Variants in ADAMTSL4 observed in about 807,000 individuals in gnomAD.
The protein encoded by ADAMTSL4 is ADAMTS-like protein 4.
A neutral mutation model predicts 122.8 loss-of-function variants in ADAMTSL4; 97 were observed. That is an observed-to-expected ratio of 0.79 (90% CI 0.67 to 0.93). The LOEUF (loss-of-function observed/expected upper bound fraction) is 0.93, where lower values mean the gene tolerates loss of function less well. ADAMTSL4 is among the 40% of genes least tolerant of loss of function. The probability of loss-of-function intolerance (pLI) is 0.00; values close to 1 mark genes in which losing one functional copy is unlikely to be tolerated. For synonymous variants in ADAMTSL4, 592 were observed against 568.0 expected (o/e 1.04, Z -0.60); for missense variants, 1,408 against 1,453.5 (o/e 0.97, Z 0.51).
intron 2 of ADAMTSL4, chr1:150,550,752 C>A (rs1671323349): frequency 2.2e-6 from 1 of 456,496 alleles, no homozygotes; most frequent in South Asian, 1.5e-5. Flanking sequence ...AAGGAGTGGC[C>A]ATCGGCAACC....
chr1:150,555,656 T>C (rs1047397817), intron 8 of ADAMTSL4, 91 bp downstream of exon 8: 9 of 1,563,316 alleles, frequency 5.8e-6, no homozygotes, highest in Non-Finnish European at 6.1e-6. Flanking sequence ...CACATATGTA[T>C]GAACACATGC....
Position 150,552,325 on chromosome 1 carries a change from C to CG in ADAMTSL4, c.20+20dup. 1 of 1,549,864 alleles carries CG rather than the reference C, an allele frequency of 6.5e-7. No homozygotes were observed. Among genetic ancestry groups the CG allele is most frequent in the Non-Finnish European group, 8.7e-7 (1 of 1,144,130 alleles). On this transcript the variant is annotated intron_variant, in intron 3 of 18. Coordinates refer to ENST00000271643, the MANE Select transcript of ADAMTSL4 (RefSeq NM_019032.6). This position sits in a 1 kb window ranked among gnomAD's most constrained non-coding sequence, Gnocchi z 4.0. ...GACTGGCAGGTGAGAGAAGGGGCCA[C>CG]GGGTTGGGGGGGAGGAAAAGGGGAG...
At position 150,554,997 on chromosome 1, in the gene ADAMTSL4, T is replaced by C. The variant is rs1175437476; in HGVS notation, c.1235-432T>C. On this transcript the variant is annotated intron_variant, in intron 7 of 18. Transcript: ENST00000271643. The surrounding 1 kb of genome is among the most constrained non-coding windows in gnomAD (Gnocchi z 4.0). ...CTCAACTGACCTGACCACCTTTTTT[T>C]TTTTTTTTCTGAGACAGAGTCTCAC... Among the ~76,000 whole-genome samples, 1 of 150,870 alleles carries C rather than the reference T, an allele frequency of 6.6e-6. No homozygotes were observed. The highest frequency in any genetic ancestry group is 2.4e-5 in the African/African-American group (1 of 40,978).
In ADAMTSL4 at chr1:150,554,660, G is replaced by A. The variant is rs1357930156; in HGVS notation, c.1234+193G>A. ...GTGAGTGGTCTGCAGAAGGGTCGGG[G>A]TGGGAGGAGGAGGTGTGGGAGACAC... On this transcript the variant is annotated intron_variant, in intron 7 of 18. Transcript: ENST00000271643. The surrounding 1 kb of genome is among the most constrained non-coding windows in gnomAD (Gnocchi z 4.0). The A allele has an allele frequency of 6.5e-7, 1 of 1,537,544 alleles. No homozygotes were observed. Among genetic ancestry groups the A allele is most frequent in the Non-Finnish European group, 8.7e-7 (1 of 1,146,538 alleles).
chr1:150,557,730 G>T, intron 13 of ADAMTSL4, 107 bp downstream of exon 13: 1 of 1,397,298 alleles, frequency 7.2e-7, no homozygotes, highest in South Asian at 1.3e-5. Flanking sequence ...CCTGGCTGCA[G>T]AGAGACAACA....
chr1:150,555,731 ACG>A (rs1257119363), intron 8 of ADAMTSL4, among the ~76,000 whole-genome samples, 166 bp downstream of exon 8: 3 of 149,244 alleles, frequency 2.0e-5, no homozygotes, highest in African/African-American at 5.1e-5. Context: ...ACACACACAC[ACG>A]CACACACACG....
At chr1:150,555,889 G>T (rs1200211364) in intron 8 of ADAMTSL4, 2 of 602,564 alleles carry the variant, frequency 3.3e-6, no homozygotes, top group East Asian at 5.6e-5. Context: ...GCACACACAC[G>T]TATTTGCACA....
At position 150,555,279 on chromosome 1, in the gene ADAMTSL4, C is replaced by T. The variant is rs891485383; in HGVS notation, c.1235-150C>T. Reference sequence around the variant, plus strand: ...CTGGGATTACAGGCATGAGCCACTGCGCCCGGCCCTGACCACCTCAGCTTG... The same window carrying T: ...CTGGGATTACAGGCATGAGCCACTGTGCCCGGCCCTGACCACCTCAGCTTG... On this transcript the variant is annotated intron_variant, in intron 7 of 18. Transcript: ENST00000271643. The T allele has an allele frequency of 1.3e-3, 1,292 of 980,214 alleles. 8 individuals are homozygous for T. The highest frequency in any genetic ancestry group is 1.5e-3 in the Non-Finnish European group (975 of 670,700). The allele number at this position is 980,214 out of a possible 1,614,324, so 60.7% of individuals were successfully genotyped here.
Position 150,560,237 on chromosome 1 carries a change from C to T in ADAMTSL4, c.*41C>T, listed in dbSNP as rs775016996. ...CCTTCACGGTTTTCTGTGCCACCAT[C>T]GGTCACCCATTGATCGGCCCACTCT... On this transcript the variant is annotated 3_prime_UTR_variant, in exon 19 of 19. Transcript: ENST00000271643. 6.8e-6 allele frequency: 11 copies of T among 1,612,322 alleles called. No homozygotes were observed. Among genetic ancestry groups the T allele is most frequent in the African/African-American group, 4.0e-5 (3 of 74,898 alleles).
Position 150,556,462 on chromosome 1 carries a change from A to G in ADAMTSL4, c.1576+96A>G. ...GAGCAAGCCAAACAGGGGGAAGTCC[A>G]GGGCCTAGCCCCTCCCCTCGTGGAA... On this transcript the variant is annotated intron_variant, in intron 9 of 18. Transcript: ENST00000271643. The surrounding 1 kb of genome is among the most constrained non-coding windows in gnomAD (Gnocchi z 4.1). 6.4e-7 allele frequency: 1 copy of G among 1,574,328 alleles called. No homozygotes were observed. The highest frequency in any genetic ancestry group is 8.7e-7 in the Non-Finnish European group (1 of 1,150,106).
In ADAMTSL4 at chr1:150,549,567, G is replaced by C. The variant is rs1671191968; in HGVS notation, c.-159+68G>C. ...CGGGTCCCGTTAGACCGCCCGCCCCGCGCGCCCGCGTCGTCCCCTCTCCCT... is the reference window on the plus strand; with the variant it reads ...CGGGTCCCGTTAGACCGCCCGCCCCCCGCGCCCGCGTCGTCCCCTCTCCCT... On this transcript the variant is annotated intron_variant, in intron 1 of 18. Transcript: ENST00000271643. The surrounding 1 kb of genome is among the most constrained non-coding windows in gnomAD (Gnocchi z 5.0). 1 of 152,114 alleles carries C rather than the reference G, an allele frequency of 6.6e-6. No homozygotes were observed. The highest frequency in any genetic ancestry group is 1.5e-5 in the Non-Finnish European group (1 of 68,040). The allele number at this position is 152,114 out of a possible 1,614,324, so 9.4% of individuals were successfully genotyped here. A position where few individuals can be genotyped will look rare whatever the true frequency, so the allele number is the denominator to read the frequency against.
chr1:150,551,470 C>T (rs1185533800), intron 2 of ADAMTSL4: 1 of 176,980 alleles, frequency 5.7e-6, no homozygotes, highest in Non-Finnish European at 1.2e-5. Context: ...GGTCTTGTGT[C>T]TGGAAGACCC....
rs888433095 is a variant in ADAMTSL4, at chr1:150,554,494, A to G, written c.1234+27A>G. Reference sequence around the variant, plus strand: ...TGAGGTTTCTTGCTCACCCCTGGGCAGTGGTGGCTTGGAATTGGGGATGAA... The same window carrying G: ...TGAGGTTTCTTGCTCACCCCTGGGCGGTGGTGGCTTGGAATTGGGGATGAA... On this transcript the variant is annotated intron_variant, in intron 7 of 18. Coordinates refer to ENST00000271643, the MANE Select transcript of ADAMTSL4 (RefSeq NM_019032.6). The surrounding 1 kb of genome is among the most constrained non-coding windows in gnomAD (Gnocchi z 4.0). 6 of 1,613,766 alleles carry G rather than the reference A, an allele frequency of 3.7e-6. No individual in the cohort carries two copies. In the African/African-American group the frequency reaches 8.0e-5, roughly 22 times the overall value.
At chr1:150,550,612 CAGCT>C in intron 2 of ADAMTSL4, 1 of 393,844 alleles carries the variant, frequency 2.5e-6, no homozygotes, top group Non-Finnish European at 5.1e-6. Flanking sequence ...CTTCTTCCCT[CAGCT>C]GGAGTAACAA....
chr1:150,550,850 G>A (rs1011737428), intron 2 of ADAMTSL4: 1 of 456,570 alleles, frequency 2.2e-6, no homozygotes, highest in Non-Finnish European at 4.4e-6. Flanking sequence ...GTCTCAGGGA[G>A]GGCAGTGGGG....
intron 14 of ADAMTSL4, 139 bp from the exon 15 acceptor site, chr1:150,558,334 A>G (rs981475345): frequency 1.7e-5 from 26 of 1,526,366 alleles, no homozygotes; most frequent in Non-Finnish European, 2.3e-5. Context: ...CCTAGGGCTC[A>G]GCCTCCTCCT....
Position 150,553,575 on chromosome 1 carries a change from C to G in ADAMTSL4, c.584C>G (p.Pro195Arg), listed in dbSNP as rs139990606. 6.2e-7 allele frequency: 1 copy of G among 1,613,756 alleles called. No individual in the cohort carries two copies. Among genetic ancestry groups the G allele is most frequent in the Non-Finnish European group, 8.5e-7 (1 of 1,179,956 alleles). The change falls in exon 6 of 19, where the codon CCG (proline) becomes CGG (arginine). Residue 195 changes from proline (P) to arginine (R), a missense_variant. Physicochemically the swap from Pro to Arg is moderately radical, Grantham distance 103. Transcript: ENST00000271643. ...TCTTCTAGAGGGGAAGAGGCTATTCCGTCCCCTACTCCAAGAGCAGAGCCA... is the reference window on the plus strand; with the variant it reads ...TCTTCTAGAGGGGAAGAGGCTATTCGGTCCCCTACTCCAAGAGCAGAGCCA... Reference protein sequence around the residue: ...LISSRGEEAIPSPTPRAEPFS... With the variant: ...LISSRGEEAIRSPTPRAEPFS...
chr1:150,553,230 C>G lies in ADAMTSL4; in HGVS notation c.411C>G (p.Thr137=), dbSNP rs753373643. The change falls in exon 5 of 19, where the codon ACC becomes ACG. Residue 137 remains threonine (T), a synonymous_variant. Coordinates refer to ENST00000271643, the MANE Select transcript of ADAMTSL4 (RefSeq NM_019032.6). ...GPASHLGREE[T]QEIRAARRSR... ...CTTCCCACCTAGGGAGAGAGGAGAC[C>G]CAGGAGATTCGAGCGGCCAGGAGGT... is the stretch of plus-strand genomic sequence containing the variant. 5.6e-6 allele frequency: 9 copies of G among 1,608,486 alleles called. No individual in the cohort carries two copies. The South Asian group carries it at 9.9e-5, about 18-fold the overall frequency.
rs1326755265 is a variant in ADAMTSL4 at position 150,555,583 on chromosome 1, G to A, written c.1371+18G>A. ...GCTGTCTGGTGAGGGAAGACAGTGT[G>A]TGTGTGCACACACACATGCATATGC... is the stretch of plus-strand genomic sequence containing the variant. On this transcript the variant is annotated intron_variant, in intron 8 of 18. Transcript: ENST00000271643. The A allele has an allele frequency of 3.1e-6, 5 of 1,609,490 alleles. No individual in the cohort carries two copies. The highest frequency in any genetic ancestry group is 4.2e-6 in the Non-Finnish European group (5 of 1,179,196).
Sources: allele counts gnomAD v4.1 joint callset (sites outside exome capture counted in the v4.1 genomes callset), GRCh38; gene constraint gnomAD v4.1.1; non-coding constraint Gnocchi (gnomAD v3.1); transcripts MANE v1.5; gene names NCBI Gene and HGNC (gene_info 2026-07-23, HGNC 2026-07-21).